Variants in NOX1 observed in about 807,000 individuals in gnomAD.
The protein encoded by NOX1 is NADPH oxidase 1, also known as NADH/NADPH mitogenic oxidase subunit P65-MOX.
Under a neutral mutation model 42.5 loss-of-function variants are expected in NOX1, and 34 were observed. That is an observed-to-expected ratio of 0.80 (90% confidence interval 0.61 to 1.07). NOX1 has a LOEUF of 1.07. NOX1 is among the 50% of genes least tolerant of loss of function. The pLI, the probability that NOX1 is intolerant of heterozygous loss-of-function variation, is 0.00. For synonymous variants in NOX1, 143 were observed against 152.5 expected (o/e 0.94, Z 0.46); for missense variants, 408 against 427.0 (o/e 0.96, Z 0.39).
At chrX:100,870,893 C>G (rs1337259704) in intron 1 of NOX1, 79 bp from the exon 2 acceptor site, 1 of 618,705 alleles carries the variant, frequency 1.6e-6, no homozygotes. Flanking sequence ...ATAGGGATAG[C>G]AATAGTGTCG....
At chrX:100,867,077 G>C (rs2085243137) in intron 2 of NOX1, among the ~76,000 whole-genome samples, 1 of 111,861 alleles carries the variant, frequency 8.9e-6, no homozygotes, top group African/African-American at 3.3e-5. Context: ...CTGTCGCCCA[G>C]GCTGGAGTGC....
At chrX:100,846,846 A>G (rs1361529584) in intron 12 of NOX1, among the ~76,000 whole-genome samples, 3 of 112,456 alleles carry the variant, frequency 2.7e-5, no homozygotes, top group Non-Finnish European at 5.6e-5. Context: ...ATGAGGAATC[A>G]AGATCAGAGA....
intron 12 of NOX1, 129 bp from the exon 13 acceptor site, chrX:100,844,207 A>G (rs1262699221): frequency 4.9e-6 from 3 of 612,722 alleles, no homozygotes; most frequent in Non-Finnish European, 7.4e-6. Context: ...CACGTTCTTC[A>G]TGGTAGTTTT....
intron 1 of NOX1, among the ~76,000 whole-genome samples, chrX:100,873,648 G>A (rs760468809): frequency 1.2e-3 from 137 of 111,716 alleles, no homozygotes; most frequent in South Asian, 5.3e-3. Context: ...TTACCTTTTC[G>A]GTGTAGGTAT....
At chrX:100,865,696 G>A (rs1402852461) in intron 2 of NOX1, among the ~76,000 whole-genome samples, 1 of 112,952 alleles carries the variant, frequency 8.9e-6, no homozygotes, top group Non-Finnish European at 1.9e-5. Context: ...ATGCAGTGAT[G>A]CAGTGATGGT....
chrX:100,864,016 G>C lies in NOX1; in HGVS notation c.142-421C>G, dbSNP rs1314425511. Among the ~76,000 whole-genome samples the C allele has an allele frequency of 4.5e-5, 5 of 111,759 alleles. No homozygotes were observed. In the East Asian group the frequency reaches 1.4e-3, roughly 32 times the overall value. The stretch of plus-strand genomic sequence containing the variant: ...TATAGATTTTTCTTTTTGAGACAAG[G>C]TCTGGCACTATTGCCCAGGCTGGAG... On this transcript the variant is annotated intron_variant, in intron 2 of 12. Transcript: ENST00000372966.
intron 7 of NOX1, among the ~76,000 whole-genome samples, chrX:100,853,433 T>TCTTTCTTTTCTTCCTTCCTTCCTTCC (rs1569445832): frequency 9.9e-6 from 1 of 101,280 alleles, no homozygotes; most frequent in Non-Finnish European, 2.0e-5. Flanking sequence ...CTTTTTTTTT[T>TCTTTCTTTTCTTCCTTCCTTCCTTCC]TTGACAGAGT....
In NOX1 at chrX:100,874,152, G is replaced by C. The variant is rs745698286; in HGVS notation, c.-13C>G. The C allele has an allele frequency of 5.1e-6, 6 of 1,182,550 alleles. No homozygotes were observed. In the South Asian group the frequency reaches 7.3e-5, roughly 14 times the overall value. The stretch of plus-strand genomic sequence containing the variant: ...CCCAGTTTCCCATTGTCAAGAGGTG[G>C]TTTGGAGCCCTTCTAGGCAACAGGG... On this transcript the variant is annotated 5_prime_UTR_variant, in exon 1 of 13. Coordinates refer to ENST00000372966, the MANE Select transcript of NOX1 (RefSeq NM_007052.5).
intron 2 of NOX1, among the ~76,000 whole-genome samples, chrX:100,868,121 C>T (rs191289690): frequency 1.5e-3 from 164 of 111,869 alleles, no homozygotes; most frequent in African/African-American, 5.2e-3. Flanking sequence ...TTAATACCTC[C>T]TTTGGAGTTA....
chrX:100,851,178 T>C, intron 8 of NOX1, 55 bp downstream of exon 8: 2 of 761,074 alleles, frequency 2.6e-6, no homozygotes, highest in Non-Finnish European at 3.9e-6. Flanking sequence ...TTTAGTTCTG[T>C]AGTCCGGTAG....
intron 7 of NOX1, among the ~76,000 whole-genome samples, chrX:100,853,410 C>CCTTT (rs958077271): frequency 1.1e-5 from 1 of 87,287 alleles, no homozygotes; most frequent in African/African-American, 4.4e-5. Flanking sequence ...TTGCGTCCTT[C>CCTTT]CTTTCTTTCT....
At chrX:100,845,925 A>C (rs546112025) in intron 12 of NOX1, among the ~76,000 whole-genome samples, 2 of 109,787 alleles carry the variant, frequency 1.8e-5, no homozygotes, top group South Asian at 8.0e-4. Context: ...CTGGGACTAC[A>C]GGCGCCCGCC....
At chrX:100,856,843 G>T (rs1176302171) in intron 7 of NOX1, among the ~76,000 whole-genome samples, 1 of 111,515 alleles carries the variant, frequency 9.0e-6, no homozygotes, top group African/African-American at 3.3e-5. Flanking sequence ...AAAGTGCTGG[G>T]ATTACAGGCA....
At chrX:100,872,894 T>A (rs953643903) in intron 1 of NOX1, among the ~76,000 whole-genome samples, 1 of 110,238 alleles carries the variant, frequency 9.1e-6, no homozygotes, top group Non-Finnish European at 1.9e-5. Context: ...GTTCTTTCCA[T>A]TATAGTGCAA....
At chrX:100,856,639 C>T (rs766131365) in intron 7 of NOX1, among the ~76,000 whole-genome samples, 67 of 109,898 alleles carry the variant, frequency 6.1e-4, no homozygotes, top group Non-Finnish European at 1.1e-3. Flanking sequence ...GTGGTGCCAT[C>T]ACAGCTCACT....
chrX:100,850,321 C>T lies in NOX1; in HGVS notation c.963G>A (p.Val321=). The T allele has an allele frequency of 8.3e-7, 1 of 1,208,371 alleles. No individual in the cohort carries two copies. Among genetic ancestry groups the T allele is most frequent in the South Asian group, 1.8e-5 (1 of 56,148 alleles). Residue 321 remains valine, a synonymous_variant, in exon 9 of 13, where the codon GTG becomes GTA. Coordinates refer to ENST00000372966, the MANE Select transcript of NOX1 (RefSeq NM_007052.5). ...GGCAATTAACAAAGATATACTGCCC[C>T]ACTTCCATGCTGAAGCCACGCTTGT... is the stretch of plus-strand genomic sequence containing the variant. The part of the protein sequence containing the change: ...QMNKRGFSME[V]GQYIFVNCPS...
intron 11 of NOX1, 110 bp downstream of exon 11, chrX:100,849,170 T>C (rs776993314): frequency 1.8e-5 from 15 of 821,870 alleles, no homozygotes; most frequent in Non-Finnish European, 2.4e-5. Context: ...TGTGTGAGTG[T>C]GAGGGCAGGT....
chrX:100,850,943 G>A (rs1280365922), intron 8 of NOX1, among the ~76,000 whole-genome samples: 2 of 110,811 alleles, frequency 1.8e-5, no homozygotes, highest in South Asian at 3.9e-4. Context: ...GGGTTCAAGC[G>A]ATTCTCCCGC....
intron 2 of NOX1, among the ~76,000 whole-genome samples, chrX:100,865,188 C>T (rs965269077): frequency 8.9e-6 from 1 of 112,105 alleles, no homozygotes; most frequent in Non-Finnish European, 1.9e-5. Context: ...TTGGTACAGA[C>T]AGCCTGTTCC....
Sources: gnomAD v4.1 joint callset for allele counts (sites outside exome capture counted in the v4.1 genomes callset) on GRCh38, gnomAD v4.1.1 for gene constraint, MANE v1.5 for transcripts, NCBI Gene and HGNC (gene_info 2026-07-23, HGNC 2026-07-21) for gene names.